The following TAFA5 variants were observed in gnomAD, a reference collection of about 807,000 sequenced individuals.
The protein encoded by TAFA5 is TAFA chemokine like family member 5.
TAFA5 carries 6 observed loss-of-function variants against 15.3 expected under a neutral mutation model. The ratio of observed to expected loss-of-function variants is 0.39; its 90% CI spans 0.21 to 0.77. The LOEUF is 0.77. Among genes scored for constraint, TAFA5 ranks in the 30% least tolerant of loss-of-function variants. The pLI, the probability that TAFA5 is intolerant of heterozygous loss-of-function variation, is 0.41. For missense variants in TAFA5, 161 were observed against 193.1 expected (o/e 0.83, Z 0.98); for synonymous variants, 103 against 80.7 (o/e 1.28, Z -1.48).
intron 1 of TAFA5, among the ~76,000 whole-genome samples, chr22:48,567,952 T>TA (rs1161767757): frequency 6.6e-6 from 1 of 151,934 alleles, no homozygotes; most frequent in Non-Finnish European, 1.5e-5. Flanking sequence ...AGCTGGGAGG[T>TA]GAGACCAGTG....
intron 2 of TAFA5, among the ~76,000 whole-genome samples, chr22:48,706,145 G>T (rs1396087090): frequency 3.9e-5 from 6 of 152,168 alleles, no homozygotes; most frequent in Admixed American, 1.3e-4. Flanking sequence ...TACTCTGCAG[G>T]GCTGGCAACT....
At chr22:48,726,759 G>C (rs890173608) in intron 3 of TAFA5, among the ~76,000 whole-genome samples, 2 of 152,222 alleles carry the variant, frequency 1.3e-5, no homozygotes, top group East Asian at 3.9e-4. Context: ...ACAACCACAT[G>C]CAAAAAGCTT....
At chr22:48,534,190 G>GGT (rs1427048267) in intron 1 of TAFA5, among the ~76,000 whole-genome samples, 2 of 141,276 alleles carry the variant, frequency 1.4e-5, no homozygotes, top group Non-Finnish European at 3.2e-5. Flanking sequence ...GGGTCAAGCA[G>GGT]GTGGGGAGGC....
At chr22:48,715,082 C>G (rs1351734341) in intron 3 of TAFA5, among the ~76,000 whole-genome samples, 1 of 152,222 alleles carries the variant, frequency 6.6e-6, no homozygotes, top group Admixed American at 6.5e-5. Flanking sequence ...TGGAAAGAAC[C>G]TATTTCCAAA....
At chr22:48,666,054 G>A (rs1022854585) in intron 2 of TAFA5, among the ~76,000 whole-genome samples, 5 of 152,338 alleles carry the variant, frequency 3.3e-5, no homozygotes, top group Non-Finnish European at 5.9e-5. Flanking sequence ...AGAGGTCCCC[G>A]GCCTGGTGGT....
At chr22:48,693,189 G>A (rs1389325559) in intron 2 of TAFA5, 14 of 1,050,924 alleles carry the variant, frequency 1.3e-5, no homozygotes, top group Non-Finnish European at 4.1e-6. Context: ...CTGCCTGGAG[G>A]GGCCTCAGTG....
chr22:48,705,353 T>A (rs2147249541), intron 2 of TAFA5, among the ~76,000 whole-genome samples: 1 of 152,296 alleles, frequency 6.6e-6, no homozygotes, highest in East Asian at 1.9e-4. Context: ...ACTGCAGTCA[T>A]GCAGGCTTCA....
chr22:48,656,931 AT>A (rs908691785), intron 2 of TAFA5, among the ~76,000 whole-genome samples: 3 of 151,108 alleles, frequency 2.0e-5, no homozygotes, highest in Admixed American at 1.3e-4. Context: ...ATGCCCAGCT[AT>A]TTTTTTTCTT....
At chr22:48,535,564 G>A (rs1219486715) in intron 1 of TAFA5, among the ~76,000 whole-genome samples, 1 of 152,166 alleles carries the variant, frequency 6.6e-6, no homozygotes, top group Non-Finnish European at 1.5e-5. Context: ...CACAAGCTGT[G>A]TGGGTATATG....
chr22:48,558,909 T>C (rs7291781), intron 1 of TAFA5, among the ~76,000 whole-genome samples: 2,224 of 152,294 alleles, frequency 0.015, 52 homozygotes, highest in African/African-American at 0.051. Flanking sequence ...AATAGGAGCA[T>C]GGCGGGAAAT....
chr22:48,511,910 G>A (rs993003117), intron 1 of TAFA5, among the ~76,000 whole-genome samples: 1 of 152,248 alleles, frequency 6.6e-6, no homozygotes, highest in Non-Finnish European at 1.5e-5. Flanking sequence ...CTACAGATGC[G>A]GAACGGGGCT....
At chr22:48,654,004 C>T (rs1441058603) in intron 2 of TAFA5, among the ~76,000 whole-genome samples, 1 of 152,064 alleles carries the variant, frequency 6.6e-6, no homozygotes, top group Non-Finnish European at 1.5e-5. Context: ...CACGTAGGCA[C>T]GGCGGCTCTG....
chr22:48,693,112 G>T, intron 2 of TAFA5: 1 of 630,952 alleles, frequency 1.6e-6, no homozygotes, highest in South Asian at 2.0e-5. Flanking sequence ...CGCCCACTCG[G>T]ATTCCCAGTA....
chr22:48,507,941 G>A (rs916222995), intron 1 of TAFA5, among the ~76,000 whole-genome samples: 1 of 152,134 alleles, frequency 6.6e-6, no homozygotes, highest in Admixed American at 6.6e-5. Context: ...CAGCTGCTGG[G>A]CCTCAGTGTC....
intron 1 of TAFA5, among the ~76,000 whole-genome samples, chr22:48,616,999 T>C (rs1467106228): frequency 6.6e-6 from 1 of 152,168 alleles, no homozygotes; most frequent in Non-Finnish European, 1.5e-5. Flanking sequence ...AAACCAGGGC[T>C]GGGCTGGGAG....
At chr22:48,629,105 A>G (rs910579) in intron 1 of TAFA5, among the ~76,000 whole-genome samples, 95,618 of 152,150 alleles carry the variant, frequency 0.63, 31,705 homozygotes, top group African/African-American at 0.83. Context: ...GGGACCCACC[A>G]GACGGGTGCT....
intron 1 of TAFA5, among the ~76,000 whole-genome samples, chr22:48,628,969 C>G (rs961636574): frequency 6.6e-6 from 1 of 152,094 alleles, no homozygotes; most frequent in African/African-American, 2.4e-5. Context: ...GGCGCCGTTT[C>G]CCTTAGACCT....
At chr22:48,507,296 C>T (rs1921033439) in intron 1 of TAFA5, among the ~76,000 whole-genome samples, 2 of 146,606 alleles carry the variant, frequency 1.4e-5, no homozygotes, top group South Asian at 4.4e-4. Flanking sequence ...GCCAGGTGTG[C>T]AGTTGGAGGA....
At chr22:48,578,557 T>C (rs1165505718) in intron 1 of TAFA5, among the ~76,000 whole-genome samples, 1 of 152,202 alleles carries the variant, frequency 6.6e-6, no homozygotes, top group Non-Finnish European at 1.5e-5. Flanking sequence ...GTCGGTGTTG[T>C]GGAAGACGGC....
Sources: gnomAD v4.1 joint callset for allele counts (sites outside exome capture counted in the v4.1 genomes callset) on GRCh38, gnomAD v4.1.1 for gene constraint, MANE v1.5 for transcripts, NCBI Gene and HGNC (gene_info 2026-07-23, HGNC 2026-07-21) for gene names.